MARCHF2: variants seen among roughly 807,000 people sequenced by gnomAD.
The protein encoded by MARCHF2 is E3 ubiquitin-protein ligase MARCHF2.
A neutral mutation model predicts 24.0 loss-of-function variants in MARCHF2; 22 were observed. The observed-to-expected ratio is 0.92, with a 90% CI of 0.66 to 1.31. The LOEUF (loss-of-function observed/expected upper bound fraction) is 1.31, where lower values mean the gene tolerates loss of function less well. Among genes scored for constraint, MARCHF2 ranks in the 50% most tolerant of loss-of-function variants. MARCHF2 has a pLI of 0.00. For missense variants in MARCHF2, 301 were observed against 335.3 expected (o/e 0.90, Z 0.80); for synonymous variants, 154 against 153.0 (o/e 1.01, Z -0.05).
intron 2 of MARCHF2, chr19:8,423,877 C>T (rs2145549299): frequency 6.6e-6 from 1 of 151,184 alleles, no homozygotes; most frequent in Non-Finnish European, 1.5e-5. Context: ...GTGGTGCCAC[C>T]TGTAGTCCCA....
chr19:8,414,164 C>T (rs1040188740), intron 1 of MARCHF2, among the ~76,000 whole-genome samples: 2 of 152,122 alleles, frequency 1.3e-5, no homozygotes, highest in African/African-American at 4.8e-5. Context: ...ACTGTGTGAC[C>T]TCTCATCAAC....
intron 1 of MARCHF2, among the ~76,000 whole-genome samples, chr19:8,421,245 C>T (rs1022762415): frequency 1.1e-4 from 16 of 151,848 alleles, no homozygotes; most frequent in African/African-American, 3.1e-4. Flanking sequence ...GCCTCAGCCT[C>T]CCAAGTAGCT....
In MARCHF2 at chr19:8,426,717, G is replaced by A; in HGVS notation, c.285G>A (p.Glu95=). The part of the protein sequence containing the change: ...TLGAVHKSCL[E]KWLSSSNTSY... ...GTGCCGTGCATAAGAGCTGTCTGGA[G>A]AAGTGGCTTTCCTCATCTAACACCA... Residue 95 remains glutamate (E), a synonymous_variant, in exon 3 of 5, where the codon GAG becomes GAA. Coordinates refer to ENST00000215555, the MANE Select transcript of MARCHF2 (RefSeq NM_001005415.2). The A allele has an allele frequency of 6.2e-7, 1 of 1,613,502 alleles. No homozygotes were observed. Among genetic ancestry groups the A allele is most frequent in the Non-Finnish European group, 8.5e-7 (1 of 1,180,030 alleles).
intron 4 of MARCHF2, among the ~76,000 whole-genome samples, chr19:8,431,662 C>T (rs893171581): frequency 2.6e-5 from 4 of 151,586 alleles, no homozygotes; most frequent in East Asian, 1.9e-4. Context: ...CATGGTGAAA[C>T]CTTGTCTCTA....
rs1967794345 is a variant in MARCHF2, at chr19:8,438,554, G to A, written c.*8G>A. The A allele has an allele frequency of 6.2e-7, 1 of 1,613,676 alleles. No homozygotes were observed. Among genetic ancestry groups the A allele is most frequent in the East Asian group, 2.2e-5 (1 of 44,870 alleles). On this transcript the variant is annotated 3_prime_UTR_variant, in exon 5 of 5. Transcript: ENST00000215555. ...GAGGAGACACCAGTATGAATGCTGG[G>A]CTCTCCGGACCCTGCAGCAGAGAGG...
chr19:8,415,443 G>T (rs142553466), intron 1 of MARCHF2, among the ~76,000 whole-genome samples: 1 of 150,706 alleles, frequency 6.6e-6, no homozygotes, highest in East Asian at 1.9e-4. Flanking sequence ...AATAGGCCAG[G>T]CGCGGTGACT....
intron 2 of MARCHF2, among the ~76,000 whole-genome samples, chr19:8,424,107 G>C (rs1020853632): frequency 6.6e-5 from 10 of 152,090 alleles, no homozygotes; most frequent in Admixed American, 2.0e-4. Flanking sequence ...AGAAATGTTT[G>C]GGAAACAGTG....
chr19:8,433,295 C>A (rs1328557486), intron 4 of MARCHF2, among the ~76,000 whole-genome samples: 1 of 151,754 alleles, frequency 6.6e-6, no homozygotes. Flanking sequence ...GTAATCCCAG[C>A]ACTTTGGGAG....
intron 3 of MARCHF2, among the ~76,000 whole-genome samples, chr19:8,428,916 C>G (rs147772697): frequency 6.6e-5 from 10 of 151,774 alleles, no homozygotes; most frequent in Admixed American, 1.3e-4. Context: ...GCCTGGGCAA[C>G]AAGAGCGAAA....
At chr19:8,417,103 C>G (rs1198074676) in intron 1 of MARCHF2, among the ~76,000 whole-genome samples, 1 of 151,422 alleles carries the variant, frequency 6.6e-6, no homozygotes, top group Admixed American at 6.6e-5. Context: ...TAGAACACCA[C>G]ATGCAGGAGC....
Position 8,422,828 on chromosome 19 carries a change from C to T in MARCHF2, c.176+812C>T, listed in dbSNP as rs531676414. 5.5e-5 allele frequency among the ~76,000 whole-genome samples: 8 copies of T among 146,544 alleles called. No individual in the cohort carries two copies. The East Asian group carries it at 1.6e-3, about 30-fold the overall frequency. On this transcript the variant is annotated intron_variant, in intron 2 of 4. Coordinates refer to ENST00000215555, the MANE Select transcript of MARCHF2 (RefSeq NM_001005415.2). Reference sequence around the variant, plus strand: ...CAAGCGATTCTCCTGCCTCAGCCTCCTGAGTACCTGGTTCTACAGGCACGC... The same window carrying T: ...CAAGCGATTCTCCTGCCTCAGCCTCTTGAGTACCTGGTTCTACAGGCACGC...
intron 3 of MARCHF2, among the ~76,000 whole-genome samples, chr19:8,429,803 CTT>C (rs371323385): frequency 0.44 from 35,752 of 80,806 alleles, 6,356 homozygotes; most frequent in African/African-American, 0.52. Flanking sequence ...CACACCAGGG[CTT>C]TTTTTTTTTT....
Position 8,430,860 on chromosome 19 carries a change from G to A in MARCHF2, c.575G>A (p.Trp192Ter). ...GCCCTCTTCACCATCTATGTCCTCT[G>A]GACGCTGGTGAGTGGCTGTGGTTGT... ...TIALFTIYVL[W>*]TLVSFRYHCQ... Residue 192 changes from tryptophan to a stop codon, truncating the protein, a stop_gained, in exon 4 of 5, where the codon TGG (tryptophan) becomes TAG (stop). Coordinates refer to ENST00000215555, the MANE Select transcript of MARCHF2 (RefSeq NM_001005415.2). LOFTEE classifies it high-confidence loss of function. This position sits in a 1 kb window ranked among gnomAD's most constrained non-coding sequence, Gnocchi z 4.4. The A allele has an allele frequency of 1.9e-6, 3 of 1,598,312 alleles. No homozygotes were observed. Among genetic ancestry groups the A allele is most frequent in the Non-Finnish European group, 2.6e-6 (3 of 1,174,190 alleles).
chr19:8,430,908 C>A lies in MARCHF2; in HGVS notation c.582+41C>A. On this transcript the variant is annotated intron_variant, in intron 4 of 4. Coordinates refer to ENST00000215555, the MANE Select transcript of MARCHF2 (RefSeq NM_001005415.2). This position sits in a 1 kb window ranked among gnomAD's most constrained non-coding sequence, Gnocchi z 4.4. ...TGTGCAGCACGCGTCTCGAGCTCTG[C>A]CGCTGGGAGCAGCAGGGCCAAGGAT... 1 of 1,523,094 alleles carries A rather than the reference C, an allele frequency of 6.6e-7. No homozygotes were observed. The highest frequency in any genetic ancestry group is 8.8e-7 in the Non-Finnish European group (1 of 1,132,414). The allele number at this position is 1,523,094 out of a possible 1,614,324, so 94.3% of individuals were successfully genotyped here. A position where few individuals can be genotyped will look rare whatever the true frequency, so the allele number is the denominator to read the frequency against.
intron 4 of MARCHF2, among the ~76,000 whole-genome samples, chr19:8,437,004 T>G (rs1967743756): frequency 6.6e-6 from 1 of 151,458 alleles, no homozygotes. Context: ...TTTTTTTTTT[T>G]TTGAGACAGG....
intron 2 of MARCHF2, chr19:8,423,207 C>G (rs1335848740): frequency 1.3e-5 from 2 of 150,756 alleles, no homozygotes; most frequent in Admixed American, 6.7e-5. Context: ...TTACAGCCCC[C>G]CCGCCCCGAC....
chr19:8,425,729 G>A (rs1184856011), intron 2 of MARCHF2, among the ~76,000 whole-genome samples: 1 of 151,314 alleles, frequency 6.6e-6, no homozygotes, highest in Non-Finnish European at 1.5e-5. Flanking sequence ...TGATACTCCT[G>A]CCTCAGCCTC....
chr19:8,424,151 CT>C (rs1967331991), intron 2 of MARCHF2, among the ~76,000 whole-genome samples: 1 of 152,176 alleles, frequency 6.6e-6, no homozygotes, highest in Admixed American at 6.6e-5. Context: ...GCCACGCCCC[CT>C]GCCTCCTGAG....
Position 8,430,807 on chromosome 19 carries a change from G to T in MARCHF2, c.522G>T (p.Glu174Asp). Residue 174 changes from glutamate to aspartate, a missense_variant, in exon 4 of 5, where the codon GAG becomes GAT. Physicochemically the swap from Glu to Asp is conservative, Grantham distance 45. Coordinates refer to ENST00000215555, the MANE Select transcript of MARCHF2 (RefSeq NM_001005415.2). This position sits in a 1 kb window ranked among gnomAD's most constrained non-coding sequence, Gnocchi z 4.4. The part of the protein sequence containing the change: ...QDHLRLHSQL[E>D]AVGLIALTIA... ...ACCTCCGGCTCCACAGCCAGCTGGAGGCCGTGGGTCTCATTGCCCTCACCA... is the reference window on the plus strand; with the variant it reads ...ACCTCCGGCTCCACAGCCAGCTGGATGCCGTGGGTCTCATTGCCCTCACCA... 6.2e-7 allele frequency: 1 copy of T among 1,610,908 alleles called. No individual in the cohort carries two copies. The highest frequency in any genetic ancestry group is 1.7e-4 in the Middle Eastern group (1 of 5,826).
Sources: allele counts gnomAD v4.1 joint callset (sites outside exome capture counted in the v4.1 genomes callset), GRCh38; gene constraint gnomAD v4.1.1; non-coding constraint Gnocchi (gnomAD v3.1); transcripts MANE v1.5; gene names NCBI Gene and HGNC (gene_info 2026-07-23, HGNC 2026-07-21).